Variants in C12orf50 observed in about 807,000 individuals in gnomAD.
The protein encoded by C12orf50 is zinc finger CCCH-type containing 11D.
Under a neutral mutation model 61.6 loss-of-function variants are expected in C12orf50, and 35 were observed. That is an observed-to-expected ratio of 0.57 (90% confidence interval 0.43 to 0.75). The LOEUF (loss-of-function observed/expected upper bound fraction) is 0.75. C12orf50 is among the 30% of genes least tolerant of loss of function. C12orf50 has a pLI of 0.00. For synonymous variants in C12orf50, 178 were observed against 161.5 expected (o/e 1.10, Z -0.77); for missense variants, 475 against 488.5 (o/e 0.97, Z 0.26).
intron 3 of C12orf50, among the ~76,000 whole-genome samples, chr12:88,015,680 T>C (rs1422666679): frequency 6.6e-6 from 1 of 152,210 alleles, no homozygotes; most frequent in Non-Finnish European, 1.5e-5. Context: ...CGAACTGTAC[T>C]CAGAAAATGT....
intron 12 of C12orf50, among the ~76,000 whole-genome samples, chr12:87,981,461 G>T (rs1312982099): frequency 6.6e-6 from 1 of 152,104 alleles, no homozygotes; most frequent in Non-Finnish European, 1.5e-5. Flanking sequence ...GATTCAGCAG[G>T]TCTGAGATGG....
chr12:88,001,854 G>A (rs1474110163), intron 3 of C12orf50, among the ~76,000 whole-genome samples: 1 of 150,788 alleles, frequency 6.6e-6, no homozygotes, highest in East Asian at 1.9e-4. Flanking sequence ...TTTTATTTCT[G>A]ATTTTAGTAA....
At chr12:87,985,181 C>T (rs1406583520) in intron 11 of C12orf50, 6 of 151,912 alleles carry the variant, frequency 3.9e-5, no homozygotes, top group Non-Finnish European at 4.4e-5. Context: ...TAGAAAAATA[C>T]AAACATGAAA....
chr12:88,004,403 G>T (rs2031774207), intron 3 of C12orf50, among the ~76,000 whole-genome samples: 1 of 152,162 alleles, frequency 6.6e-6, no homozygotes, highest in Non-Finnish European at 1.5e-5. Context: ...AATAGCAGAT[G>T]CTGGCAAGGC....
In C12orf50 at chr12:87,985,982, CA is replaced by C; in HGVS notation, c.993del (p.Asn331LysfsTer17). 1 of 1,613,874 alleles carries C rather than the reference CA, an allele frequency of 6.2e-7. No individual in the cohort carries two copies. Among genetic ancestry groups the C allele is most frequent in the Non-Finnish European group, 8.5e-7 (1 of 1,179,866 alleles). Reference protein sequence around the residue: ...HRNNKNRNAENASYIHVQRDA... With the variant: ...HRNNKNRNAEXASYIHVQRDA... ...TCTCTTTGAACGTGGATATAGGATG[CA>C]TTCTCCGCATTTCGATTTTTATTAT... On this transcript the variant is annotated frameshift_variant, in exon 11 of 13. Transcript: ENST00000298699. LOFTEE classifies it high-confidence loss of function.
At chr12:87,989,751 C>G (rs1289069389) in intron 7 of C12orf50, among the ~76,000 whole-genome samples, 1 of 152,004 alleles carries the variant, frequency 6.6e-6, no homozygotes, top group Non-Finnish European at 1.5e-5. Flanking sequence ...TTCTATTTTC[C>G]AGGATAAATA....
intron 3 of C12orf50, among the ~76,000 whole-genome samples, chr12:88,018,210 T>A (rs888240653): frequency 2.4e-4 from 37 of 152,178 alleles, no homozygotes; most frequent in African/African-American, 8.9e-4. Context: ...GTGTGCAGCC[T>A]ATGGACTTGG....
chr12:88,000,243 T>G (rs567753584), intron 3 of C12orf50, among the ~76,000 whole-genome samples: 1 of 152,154 alleles, frequency 6.6e-6, no homozygotes, highest in Non-Finnish European at 1.5e-5. Context: ...ACTTTGCATG[T>G]GACTATCTAG....
intron 3 of C12orf50, among the ~76,000 whole-genome samples, chr12:88,006,421 G>C (rs116470842): frequency 0.022 from 3,420 of 152,270 alleles, 137 homozygotes; most frequent in African/African-American, 0.077. Flanking sequence ...CTTTCCGAGA[G>C]CTTCAGAGTT....
chr12:88,019,627 CAG>C (rs969604098), intron 3 of C12orf50, among the ~76,000 whole-genome samples: 1 of 145,414 alleles, frequency 6.9e-6, no homozygotes, highest in African/African-American at 2.5e-5. Flanking sequence ...AGAAAGTAAA[CAG>C]AGAAAAAAAA....
intron 3 of C12orf50, among the ~76,000 whole-genome samples, chr12:88,011,610 G>A (rs962337111): frequency 2.0e-5 from 3 of 152,148 alleles, no homozygotes; most frequent in African/African-American, 7.2e-5. Flanking sequence ...ACATTAAGTT[G>A]CCCATGTTTA....
chr12:87,985,001 ATAATT>A (rs1425193381), intron 11 of C12orf50: 1 of 152,090 alleles, frequency 6.6e-6, no homozygotes, highest in African/African-American at 2.4e-5. Flanking sequence ...AAAAAGAAAA[ATAATT>A]TAAATAAGCT....
intron 11 of C12orf50, chr12:87,984,465 A>G (rs2030697779): frequency 6.6e-6 from 1 of 152,166 alleles, no homozygotes; most frequent in Non-Finnish European, 1.5e-5. Flanking sequence ...GCTTTTATTT[A>G]AAAACTGTGA....
At chr12:88,002,873 G>A (rs553465244) in intron 3 of C12orf50, among the ~76,000 whole-genome samples, 1 of 151,534 alleles carries the variant, frequency 6.6e-6, no homozygotes, top group South Asian at 2.1e-4. Flanking sequence ...CTTACTATAT[G>A]CTTCTTAACA....
In C12orf50 at chr12:87,980,136, A is replaced by T. The variant is rs1347346720; in HGVS notation, c.*195T>A. ...ACACTGGCAGCTGTTGGTAATTTGC[A>T]TTTTTATCAGTTTTGAAAGAGCACA... On this transcript the variant is annotated 3_prime_UTR_variant, in exon 13 of 13. Transcript: ENST00000298699. The T allele has an allele frequency of 3.5e-6, 2 of 563,664 alleles. No homozygotes were observed. Among genetic ancestry groups the T allele is most frequent in the Non-Finnish European group, 6.2e-6 (2 of 323,556 alleles). The allele number at this position is 563,664 out of a possible 1,614,324, so 34.9% of individuals were successfully genotyped here. A position where few individuals can be genotyped will look rare whatever the true frequency, so the allele number is the denominator to read the frequency against.
intron 3 of C12orf50, among the ~76,000 whole-genome samples, chr12:88,016,668 C>T (rs1032149152): frequency 4.6e-5 from 7 of 152,214 alleles, no homozygotes; most frequent in South Asian, 2.1e-4. Flanking sequence ...CATGGATTCC[C>T]GGAGTAGAAC....
chr12:88,029,179 T>G, intron 1 of C12orf50, 161 bp downstream of exon 1: 8,963 of 593,142 alleles, frequency 0.015, 2 homozygotes, highest in Non-Finnish European at 0.022. Context: ...ATATATGAAT[T>G]TCAGGAATGC....
intron 10 of C12orf50, 65 bp downstream of exon 10, chr12:87,986,247 G>A (rs2136404716): frequency 7.6e-7 from 1 of 1,308,768 alleles, no homozygotes; most frequent in Non-Finnish European, 1.0e-6. Context: ...TCAGGTAGAA[G>A]ATATTTGATA....
At chr12:87,992,352 C>G (rs1010188244) in intron 7 of C12orf50, among the ~76,000 whole-genome samples, 1 of 151,808 alleles carries the variant, frequency 6.6e-6, no homozygotes, top group African/African-American at 2.4e-5. Context: ...ATATAGCAAC[C>G]AGGAATAACA....
Sources: gnomAD v4.1 joint callset for allele counts (sites outside exome capture counted in the v4.1 genomes callset) on GRCh38, gnomAD v4.1.1 for gene constraint, MANE v1.5 for transcripts, NCBI Gene and HGNC (gene_info 2026-07-23, HGNC 2026-07-21) for gene names.